ORC4: variants seen among roughly 807,000 people sequenced by gnomAD.
ORC4 encodes origin recognition complex subunit 4.
In ORC4, 55 loss-of-function variants were observed where a neutral mutation model predicts 63.9. The observed-to-expected ratio is 0.86, with a 90% CI of 0.69 to 1.08. The LOEUF is 1.08. Among genes scored for constraint, ORC4 ranks in the 50% least tolerant of loss-of-function variants. ORC4 has a pLI of 0.00. For synonymous variants in ORC4, 150 were observed against 168.5 expected (o/e 0.89, Z 0.85); for missense variants, 511 against 504.4 (o/e 1.01, Z -0.13).
At chr2:147,966,628 C>G (rs1689909108) in intron 4 of ORC4, among the ~76,000 whole-genome samples, 1 of 152,094 alleles carries the variant, frequency 6.6e-6, no homozygotes. Flanking sequence ...TTCCTGGACA[C>G]ATACAACCTT....
chr2:147,995,999 C>CAAAAAAA (rs1258215563), intron 1 of ORC4, among the ~76,000 whole-genome samples: 1 of 121,034 alleles, frequency 8.3e-6, no homozygotes, highest in African/African-American at 3.1e-5. Context: ...GACTCCATCT[C>CAAAAAAA]AAAAAAAAAA....
At chr2:147,942,734 T>A (rs565464646) in intron 10 of ORC4, among the ~76,000 whole-genome samples, 1 of 151,828 alleles carries the variant, frequency 6.6e-6, no homozygotes, top group African/African-American at 2.4e-5. Flanking sequence ...ACACTGGAAA[T>A]TCTAGCCATT....
chr2:147,939,294 A>C (rs1337755069), intron 10 of ORC4, 46 bp from the exon 11 acceptor site: 2 of 1,186,120 alleles, frequency 1.7e-6, no homozygotes, highest in Non-Finnish European at 2.5e-6. Flanking sequence ...TTACATGGGC[A>C]TTTTGGAGAT....
In ORC4 at chr2:148,018,988, AT is replaced by A. The variant is rs372664737; in HGVS notation, c.-18+1644del. ...CGATGTTTGTATGCTTAAATACTAAATGTATGGAAAAAGACACAAAATATTT... is the reference window on the plus strand; with the variant it reads ...CGATGTTTGTATGCTTAAATACTAAAGTATGGAAAAAGACACAAAATATTT... On this transcript the variant is annotated intron_variant, in intron 1 of 13. Coordinates refer to ENST00000392857, the MANE Select transcript of ORC4 (RefSeq NM_181741.4). 4.0e-3 allele frequency among the ~76,000 whole-genome samples: 602 copies of A among 152,302 alleles called. 10 individuals carry two copies. The highest frequency in any genetic ancestry group is 0.013 in the African/African-American group (561 of 41,570).
chr2:147,968,782 A>G (rs925012633), intron 4 of ORC4, among the ~76,000 whole-genome samples: 2 of 152,042 alleles, frequency 1.3e-5, no homozygotes, highest in African/African-American at 4.8e-5. Context: ...CACTACTGAG[A>G]ATTTATATAA....
At chr2:147,982,465 G>T (rs1445682389) in intron 1 of ORC4, among the ~76,000 whole-genome samples, 2 of 152,106 alleles carry the variant, frequency 1.3e-5, no homozygotes, top group East Asian at 1.9e-4. Flanking sequence ...AGAATTAAAA[G>T]ATATTTTTTA....
At chr2:148,000,623 T>C (rs77537485) in intron 1 of ORC4, among the ~76,000 whole-genome samples, 3,409 of 152,146 alleles carry the variant, frequency 0.022, 146 homozygotes, top group African/African-American at 0.077. Context: ...GGAACTAGCA[T>C]AGGATAGAGA....
intron 1 of ORC4, among the ~76,000 whole-genome samples, chr2:148,010,215 T>C (rs926097705): frequency 1.3e-5 from 2 of 152,024 alleles, no homozygotes; most frequent in Admixed American, 6.6e-5. Flanking sequence ...GGAATGTTTA[T>C]AGCAATAAAT....
chr2:147,972,836 T>C lies in ORC4; in HGVS notation c.135-7A>G. 11 of 1,578,436 alleles carry C rather than the reference T, an allele frequency of 7.0e-6. No individual in the cohort carries two copies. Among genetic ancestry groups the C allele is most frequent in the Non-Finnish European group, 7.8e-6 (9 of 1,148,020 alleles). On this transcript the variant is annotated splice_region_variant and splice_polypyrimidine_tract_variant and intron_variant, in intron 3 of 13. Coordinates refer to ENST00000392857, the MANE Select transcript of ORC4 (RefSeq NM_181741.4). Reference sequence around the variant, plus strand: ...CAGCAGCTCACTTAAGTGTCTAAAATGATATAAATAGGACAAAATTTTAAA... The same window carrying C: ...CAGCAGCTCACTTAAGTGTCTAAAACGATATAAATAGGACAAAATTTTAAA...
intron 1 of ORC4, among the ~76,000 whole-genome samples, chr2:147,992,499 G>T (rs1399204722): frequency 1.3e-5 from 2 of 152,142 alleles, no homozygotes; most frequent in Non-Finnish European, 2.9e-5. Context: ...ATTGGTGGGT[G>T]AGAAGGCACA....
chr2:147,992,689 G>A (rs1302490663), intron 1 of ORC4, among the ~76,000 whole-genome samples: 2 of 152,268 alleles, frequency 1.3e-5, no homozygotes, highest in East Asian at 3.9e-4. Flanking sequence ...TTACTTAAAT[G>A]TAAGTATGAT....
intron 7 of ORC4, among the ~76,000 whole-genome samples, chr2:147,953,067 C>G (rs1047824497): frequency 7.1e-6 from 1 of 141,288 alleles, no homozygotes; most frequent in Admixed American, 7.1e-5. Flanking sequence ...TGGTGACTCA[C>G]GCTTGTAATC....
chr2:147,998,615 C>T (rs977290235), intron 1 of ORC4, among the ~76,000 whole-genome samples: 1 of 152,184 alleles, frequency 6.6e-6, no homozygotes, highest in African/African-American at 2.4e-5. Context: ...CAGGTCTATG[C>T]TCTTGAACTT....
intron 4 of ORC4, among the ~76,000 whole-genome samples, chr2:147,971,884 C>T (rs1246867759): frequency 1.3e-5 from 2 of 151,926 alleles, no homozygotes; most frequent in African/African-American, 4.8e-5. Flanking sequence ...TTAAACAATA[C>T]TTCAGATGTG....
At chr2:147,962,599 G>A (rs564727220) in intron 4 of ORC4, among the ~76,000 whole-genome samples, 2 of 152,180 alleles carry the variant, frequency 1.3e-5, no homozygotes, top group African/African-American at 2.4e-5. Flanking sequence ...ACCCCTTGCT[G>A]CCACACTTCC....
chr2:147,951,088 T>C (rs182953029), intron 8 of ORC4, among the ~76,000 whole-genome samples: 119 of 152,138 alleles, frequency 7.8e-4, no homozygotes, highest in African/African-American at 2.8e-3. Context: ...TCATAAGCTC[T>C]AGAGCACAGG....
intron 1 of ORC4, among the ~76,000 whole-genome samples, chr2:147,977,162 G>A (rs900130523): frequency 2.6e-5 from 4 of 152,090 alleles, no homozygotes; most frequent in African/African-American, 7.2e-5. Context: ...AGATAGGCTA[G>A]GTATGTTGAC....
intron 1 of ORC4, among the ~76,000 whole-genome samples, chr2:148,009,404 C>A (rs768618486): frequency 6.6e-6 from 1 of 151,790 alleles, no homozygotes; most frequent in Non-Finnish European, 1.5e-5. Context: ...CAAACAGAAA[C>A]CCAAAAAGAG....
At chr2:147,986,951 T>A (rs954248469) in intron 1 of ORC4, among the ~76,000 whole-genome samples, 1 of 152,098 alleles carries the variant, frequency 6.6e-6, no homozygotes, top group South Asian at 2.1e-4. Context: ...GTGGCATGAA[T>A]GCATACGGTT....
Sources: gnomAD v4.1 joint callset for allele counts (sites outside exome capture counted in the v4.1 genomes callset) on GRCh38, gnomAD v4.1.1 for gene constraint, MANE v1.5 for transcripts, NCBI Gene and HGNC (gene_info 2026-07-23, HGNC 2026-07-21) for gene names.